Variants in CHD2 observed in about 807,000 individuals in gnomAD.
The protein encoded by CHD2 is ATP-dependent chromatin remodeler CHD2.
CHD2 carries 28 observed loss-of-function variants against 243.9 expected under a neutral mutation model. The ratio of observed to expected loss-of-function variants is 0.11; its 90% CI spans 0.09 to 0.16. The LOEUF is 0.16. Ranked by LOEUF, CHD2 falls within the 10% of genes least tolerant of loss-of-function variation. The probability of loss-of-function intolerance (pLI) is 1.00; values close to 1 mark genes in which losing one functional copy is unlikely to be tolerated. For missense variants in CHD2, 1,386 were observed against 2,209.8 expected, an observed-to-expected ratio of 0.63 and a Z score of 7.47; for synonymous variants, 775 against 779.0, an observed-to-expected ratio of 0.99 and a Z score of 0.09.
Position 93,009,239 on chromosome 15 carries a change from G to A in CHD2, c.4508G>A (p.Arg1503Gln), listed in dbSNP as rs992040659. 1.9e-6 allele frequency: 3 copies of A among 1,614,052 alleles called. No individual in the cohort carries two copies. The highest frequency in any genetic ancestry group is 1.3e-5 in the African/African-American group (1 of 74,916). Reference protein sequence around the residue: ...LNVQEQLEHTRNCLLKIGDRI... With the variant: ...LNVQEQLEHTQNCLLKIGDRI... ...GTGCAAGAACAGCTGGAACACACCC[G>A]GAACTGCCTGCTGAAAATCGGAGAC... is the stretch of plus-strand genomic sequence containing the variant. The change falls in exon 35 of 39, where the codon CGG becomes CAG. Residue 1503 changes from arginine (R) to glutamine (Q), a missense_variant. Arg to Gln is a conservative substitution (Grantham distance 43). Transcript: ENST00000394196.
intron 5 of CHD2, among the ~76,000 whole-genome samples, chr15:92,931,109 A>G (rs1292235871): frequency 1.3e-5 from 2 of 152,234 alleles, no homozygotes; most frequent in African/African-American, 2.4e-5. Context: ...CAAGTGTAAC[A>G]TAACCTAATG....
chr15:92,904,707 T>C, intron 2 of CHD2: 1 of 1,391,262 alleles, frequency 7.2e-7, no homozygotes, highest in Non-Finnish European at 9.3e-7. Flanking sequence ...AGGCACTATT[T>C]GGAAATCTTA....
chr15:93,002,203 G>GAA lies in CHD2; in HGVS notation c.4172_4173dup (p.Gln1392AsnfsTer15). ...ATGATGGCTTGGAAAAAAGTCCAAT[G>GAA]AAAAAAAAACAGAAGAAGAAAGAGA... On this transcript the variant is annotated frameshift_variant, in exon 33 of 39. Coordinates refer to ENST00000394196, the MANE Select transcript of CHD2 (RefSeq NM_001271.4). LOFTEE classifies it high-confidence loss of function. 3.3e-6 allele frequency: 5 copies of GAA among 1,537,524 alleles called. No individual in the cohort carries two copies. The highest frequency in any genetic ancestry group is 2.5e-5 in the South Asian group (2 of 81,178).
chr15:92,927,039 G>A (rs1483752595), intron 3 of CHD2, among the ~76,000 whole-genome samples: 1 of 152,050 alleles, frequency 6.6e-6, no homozygotes, highest in Non-Finnish European at 1.5e-5. Context: ...TAGCTGTTAA[G>A]TAATGAAGAC....
At position 92,940,845 on chromosome 15, in the gene CHD2, T is replaced by TAC. The variant is rs1158373164; in HGVS notation, c.693-976_693-975insCA. ...TAAATATTATAAATATATAAAAATA[T>TAC]ATATAAATATATAAATATATAAAAA... On this transcript the variant is annotated intron_variant, in intron 7 of 38. Transcript: ENST00000394196. Among the ~76,000 whole-genome samples the TAC allele has an allele frequency of 7.6e-5, 8 of 105,184 alleles. No homozygotes were observed. In the South Asian group the frequency reaches 1.5e-3, roughly 19 times the overall value. The allele number at this position is 105,184 out of a possible 152,430, so 69.0% of individuals were successfully genotyped here.
At chr15:93,001,277 G>A (rs759914015) in intron 32 of CHD2, among the ~76,000 whole-genome samples, 7 of 152,140 alleles carry the variant, frequency 4.6e-5, no homozygotes, top group Non-Finnish European at 1.0e-4. Context: ...ATGTAAAGGG[G>A]GCAGCTGCTA....
intron 17 of CHD2, among the ~76,000 whole-genome samples, chr15:92,968,369 A>G (rs1247855687): frequency 6.6e-6 from 1 of 152,218 alleles, no homozygotes; most frequent in Non-Finnish European, 1.5e-5. Flanking sequence ...AAAAATAAAA[A>G]AATTTTTAAA....
chr15:92,945,941 G>A, intron 11 of CHD2, 76 bp downstream of exon 11: 1 of 1,455,664 alleles, frequency 6.9e-7, no homozygotes, highest in Non-Finnish European at 9.4e-7. Flanking sequence ...ATTTTGTTTT[G>A]CCACATGATG....
At chr15:93,001,059 G>C (rs2054249384) in intron 32 of CHD2, among the ~76,000 whole-genome samples, 1 of 152,180 alleles carries the variant, frequency 6.6e-6, no homozygotes, top group Non-Finnish European at 1.5e-5. Context: ...AGTAGAGATG[G>C]GGTTTCACCA....
At chr15:92,993,037 C>T (rs1157066067) in intron 28 of CHD2, 39 bp downstream of exon 28, 1 of 1,608,052 alleles carries the variant, frequency 6.2e-7, no homozygotes, top group African/African-American at 1.3e-5. Flanking sequence ...CGCAACCTGG[C>T]ACTCTTGGAC....
At chr15:92,981,339 A>G (rs375179314) in intron 23 of CHD2, 26 bp from the exon 24 acceptor site, 4 of 1,562,806 alleles carry the variant, frequency 2.6e-6, no homozygotes, top group African/African-American at 1.4e-5. Context: ...ATTTTATTCT[A>G]TTCGTGTTGG....
intron 6 of CHD2, 45 bp downstream of exon 6, chr15:92,937,670 G>A (rs2053288653): frequency 1.5e-6 from 2 of 1,359,568 alleles, no homozygotes. Flanking sequence ...AGCTTAATCT[G>A]CTGTAGATTG....
intron 5 of CHD2, among the ~76,000 whole-genome samples, chr15:92,934,287 C>T (rs774997191): frequency 8.5e-5 from 13 of 152,204 alleles, no homozygotes; most frequent in Non-Finnish European, 1.9e-4. Context: ...AAACTATACA[C>T]ATTTAAATTG....
chr15:93,019,947 A>AAAAG, intron 37 of CHD2, 65 bp from the exon 38 acceptor site: 1 of 1,547,466 alleles, frequency 6.5e-7, no homozygotes, highest in Non-Finnish European at 8.7e-7. Context: ...AAAAAAAAAA[A>AAAAG]TTGTAGTGAA....
At position 93,014,827 on chromosome 15, in the gene CHD2, G is replaced by T. The variant is rs1241749027; in HGVS notation, c.4824G>T (p.Leu1608Phe). ...SHNLHPQKPH[L>F]PASHGPQMHG... Reference sequence around the variant, plus strand: ...ACCTTCACCCTCAGAAGCCTCATTTGCCTGCCTCCCATGGCCCACAGATGC... The same window carrying T: ...ACCTTCACCCTCAGAAGCCTCATTTTCCTGCCTCCCATGGCCCACAGATGC... The change falls in exon 37 of 39, where the codon TTG becomes TTT. Residue 1608 changes from leucine to phenylalanine, a missense_variant. Transcript: ENST00000394196. 1 of 1,614,108 alleles carries T rather than the reference G, an allele frequency of 6.2e-7. No individual in the cohort carries two copies. The highest frequency in any genetic ancestry group is 8.5e-7 in the Non-Finnish European group (1 of 1,180,030).
intron 28 of CHD2, 151 bp from the exon 29 acceptor site, chr15:92,996,806 A>G (rs2054194167): frequency 1.5e-6 from 1 of 687,046 alleles, no homozygotes; most frequent in East Asian, 3.1e-5. Context: ...ATTAGTTGAG[A>G]AAAAAATTTG....
rs142547553 is a variant in CHD2 at position 92,994,886 on chromosome 15, T to C, written c.3595+1888T>C. Among the ~76,000 whole-genome samples the C allele has an allele frequency of 2.1e-3, 324 of 152,328 alleles. 1 individual carries two copies. Among genetic ancestry groups the C allele is most frequent in the Middle Eastern group, 0.01 (3 of 294 alleles). On this transcript the variant is annotated intron_variant, in intron 28 of 38. Transcript: ENST00000394196. ...ATTGCTTCTTCCTGGTATTAACTTA[T>C]TTCCTCACACCTGTATTTCCTGTAA...
At chr15:92,974,814 G>A in intron 19 of CHD2, 65 bp from the exon 20 acceptor site, 2 of 1,450,594 alleles carry the variant, frequency 1.4e-6, no homozygotes, top group South Asian at 1.1e-5. Flanking sequence ...TTCCAAGTCT[G>A]CTGTTCTATT....
intron 16 of CHD2, among the ~76,000 whole-genome samples, chr15:92,957,786 T>G (rs2053635299): frequency 6.6e-6 from 1 of 152,184 alleles, no homozygotes; most frequent in South Asian, 2.1e-4. Flanking sequence ...ATTTTCCTCA[T>G]CCCAAAAAGT....
Sources: allele counts gnomAD v4.1 joint callset (sites outside exome capture counted in the v4.1 genomes callset), GRCh38; gene constraint gnomAD v4.1.1; transcripts MANE v1.5; gene names NCBI Gene and HGNC (gene_info 2026-07-23, HGNC 2026-07-21).